Variants in CSMD1 observed in about 807,000 individuals in gnomAD.
CSMD1 encodes CUB and Sushi multiple domains 1.
CSMD1 carries 213 observed loss-of-function variants against 417.5 expected under a neutral mutation model. The observed-to-expected ratio is 0.51, with a 90% CI of 0.46 to 0.57. CSMD1 has a LOEUF of 0.57. Ranked by LOEUF, CSMD1 falls within the 20% of genes least tolerant of loss-of-function variation. The pLI is 0.00. For missense variants in CSMD1, 6,923 were observed against 4,529.7 expected, an observed-to-expected ratio of 1.53 and a Z score of -15.17; for synonymous variants, 2,862 against 1,736.8, an observed-to-expected ratio of 1.65 and a Z score of -16.11.
intron 1 of CSMD1, among the ~76,000 whole-genome samples, chr8:4,985,708 T>C (rs1004468701): frequency 6.6e-6 from 1 of 152,218 alleles, no homozygotes; most frequent in East Asian, 1.9e-4. Context: ...TTTTTAAGTA[T>C]GGGGCATTAC....
chr8:4,993,997 G>T (rs760126848), intron 1 of CSMD1, among the ~76,000 whole-genome samples: 1 of 152,308 alleles, frequency 6.6e-6, no homozygotes, highest in African/African-American at 2.4e-5. Flanking sequence ...CGTCTCGGAG[G>T]AGGCAACACC....
At chr8:3,773,822 C>T (rs537414179) in intron 5 of CSMD1, among the ~76,000 whole-genome samples, 115 of 152,194 alleles carry the variant, frequency 7.6e-4, no homozygotes, top group African/African-American at 2.6e-3. Context: ...TTCAACAAGT[C>T]GTTTTCACTC....
intron 5 of CSMD1, among the ~76,000 whole-genome samples, chr8:3,836,991 A>C (rs141881522): frequency 1.7e-4 from 26 of 152,190 alleles, no homozygotes; most frequent in African/African-American, 5.8e-4. Flanking sequence ...TAAGATCCTT[A>C]ATTAGCTACT....
intron 3 of CSMD1, among the ~76,000 whole-genome samples, chr8:4,222,591 G>A (rs568962355): frequency 1.3e-5 from 2 of 152,174 alleles, no homozygotes; most frequent in Non-Finnish European, 2.9e-5. Flanking sequence ...AAATCTGATT[G>A]TCCGAAGCCT....
At chr8:2,986,890 C>T (rs183099407) in intron 54 of CSMD1, among the ~76,000 whole-genome samples, 5 of 151,510 alleles carry the variant, frequency 3.3e-5, no homozygotes, top group Admixed American at 2.6e-4. Context: ...AAAGTAATTG[C>T]GGTTTTTACT....
intron 5 of CSMD1, among the ~76,000 whole-genome samples, chr8:3,830,603 C>A (rs376050063): frequency 6.6e-6 from 1 of 152,166 alleles, no homozygotes; most frequent in African/African-American, 2.4e-5. Flanking sequence ...GCAAGCAACA[C>A]TGGCAGAAAA....
At chr8:3,945,229 C>G (rs572268217) in intron 5 of CSMD1, among the ~76,000 whole-genome samples, 12 of 148,060 alleles carry the variant, frequency 8.1e-5, no homozygotes, top group Non-Finnish European at 1.6e-4. Context: ...GGAAAATTGT[C>G]TTTAGACGTG....
intron 3 of CSMD1, among the ~76,000 whole-genome samples, chr8:4,072,020 G>C (rs1036478976): frequency 1.3e-5 from 2 of 152,170 alleles, no homozygotes; most frequent in Non-Finnish European, 2.9e-5. Flanking sequence ...TGGTTTTGCT[G>C]GTTCAGAAAG....
chr8:3,034,481 C>G (rs1810537687), intron 50 of CSMD1, among the ~76,000 whole-genome samples: 2 of 152,138 alleles, frequency 1.3e-5, no homozygotes, highest in South Asian at 4.1e-4. Flanking sequence ...AAAAAATCTT[C>G]TGTCTTGAGG....
intron 2 of CSMD1, among the ~76,000 whole-genome samples, chr8:4,479,183 A>C (rs1025783835): frequency 4.6e-5 from 7 of 152,326 alleles, no homozygotes; most frequent in African/African-American, 1.7e-4. Context: ...ATGGGTCCAC[A>C]ACCTTGAAAT....
At chr8:4,436,835 C>T (rs1278758409) in intron 2 of CSMD1, among the ~76,000 whole-genome samples, 2 of 152,180 alleles carry the variant, frequency 1.3e-5, no homozygotes, top group Admixed American at 6.5e-5. Context: ...CATGTTGGTG[C>T]AAATGAGTGA....
chr8:4,314,729 G>A (rs978470112), intron 3 of CSMD1, among the ~76,000 whole-genome samples: 1 of 152,086 alleles, frequency 6.6e-6, no homozygotes, highest in East Asian at 1.9e-4. Context: ...CATACATCCT[G>A]TTTTCTCATT....
intron 42 of CSMD1, among the ~76,000 whole-genome samples, chr8:3,113,603 C>G (rs1050203600): frequency 2.0e-5 from 3 of 152,228 alleles, no homozygotes; most frequent in Admixed American, 6.5e-5. Flanking sequence ...TGGCTTCCCC[C>G]ACAACGCCAC....
chr8:3,440,252 T>C (rs1814884904), intron 12 of CSMD1, among the ~76,000 whole-genome samples: 1 of 152,220 alleles, frequency 6.6e-6, no homozygotes, highest in Non-Finnish European at 1.5e-5. Context: ...AGATTTGAGA[T>C]CTTTACTCTG....
chr8:4,093,001 A>T (rs574748652), intron 3 of CSMD1, among the ~76,000 whole-genome samples: 2 of 152,234 alleles, frequency 1.3e-5, no homozygotes, highest in African/African-American at 4.8e-5. Flanking sequence ...GTCAAAGAAA[A>T]GACCACTGAG....
chr8:4,441,317 C>G (rs1374493334), intron 2 of CSMD1, among the ~76,000 whole-genome samples: 1 of 145,322 alleles, frequency 6.9e-6, no homozygotes, highest in Non-Finnish European at 1.5e-5. Flanking sequence ...CTCACTCTGC[C>G]CCCTAGGCTA....
intron 10 of CSMD1, among the ~76,000 whole-genome samples, chr8:3,510,017 G>A (rs951387899): frequency 6.6e-6 from 1 of 152,276 alleles, no homozygotes; most frequent in East Asian, 1.9e-4. Flanking sequence ...ACGTATACAA[G>A]TCGCGTATCC....
intron 23 of CSMD1, 46 bp downstream of exon 23, chr8:3,343,248 C>A: frequency 1.9e-6 from 3 of 1,541,496 alleles, no homozygotes; most frequent in South Asian, 1.1e-5. Context: ...TCAGATATGT[C>A]CTGACAAAAT....
intron 3 of CSMD1, among the ~76,000 whole-genome samples, chr8:4,387,293 C>G (rs142730670): frequency 3.2e-4 from 48 of 152,094 alleles, no homozygotes; most frequent in African/African-American, 1.1e-3. Context: ...TTAAGTCACT[C>G]TACTTTTAGA....
Sources: allele counts gnomAD v4.1 joint callset (sites outside exome capture counted in the v4.1 genomes callset), GRCh38; gene constraint gnomAD v4.1.1; transcripts MANE v1.5; gene names NCBI Gene and HGNC (gene_info 2026-07-23, HGNC 2026-07-21).